Variants in PID1 observed in about 807,000 individuals in gnomAD.
PID1 encodes PTB-containing, cubilin and LRP1-interacting protein.
A neutral mutation model predicts 19.1 loss-of-function variants in PID1; 10 were observed. The observed-to-expected ratio is 0.52, with a 90% CI of 0.32 to 0.89. The LOEUF (loss-of-function observed/expected upper bound fraction) is 0.89, where lower values mean the gene tolerates loss of function less well. PID1 is among the 40% of genes least tolerant of loss of function. The pLI, the probability that PID1 is intolerant of heterozygous loss-of-function variation, is 0.03. For missense variants in PID1, 248 were observed against 285.3 expected (o/e 0.87, Z 0.94); for synonymous variants, 130 against 116.0 (o/e 1.12, Z -0.78).
At chr2:229,195,344 C>T (rs1376218547) in intron 1 of PID1, among the ~76,000 whole-genome samples, 2 of 151,758 alleles carry the variant, frequency 1.3e-5, no homozygotes, top group East Asian at 3.9e-4. Context: ...TATATATACA[C>T]ACACACACAT....
intron 1 of PID1, among the ~76,000 whole-genome samples, chr2:229,257,927 A>G (rs1349641636): frequency 2.0e-5 from 3 of 152,226 alleles, no homozygotes; most frequent in Non-Finnish European, 4.4e-5. Flanking sequence ...AACTAGAATC[A>G]AGACCCACTA....
rs111297963 is a variant in PID1 at position 229,262,376 on chromosome 2, T to G, written c.30+8638A>C. Among the ~76,000 whole-genome samples the G allele has an allele frequency of 3.6e-3, 551 of 152,284 alleles. 4 individuals carry two copies. Among genetic ancestry groups the G allele is most frequent in the African/African-American group, 0.012 (505 of 41,550 alleles). On this transcript the variant is annotated intron_variant, in intron 1 of 2. Transcript: ENST00000392055. ...GTTACACTCAAGGTTTGCTGCCTTT[T>G]CCTAGGATGTTGTCCACCAGAAGGA...
intron 2 of PID1, among the ~76,000 whole-genome samples, chr2:229,129,401 A>G (rs981335111): frequency 6.8e-6 from 1 of 147,606 alleles, no homozygotes; most frequent in Non-Finnish European, 1.5e-5. Context: ...GCAACAGAGC[A>G]AGACTCCATC....
intron 2 of PID1, among the ~76,000 whole-genome samples, chr2:229,093,616 T>C (rs1031473503): frequency 6.6e-6 from 1 of 152,146 alleles, no homozygotes; most frequent in Non-Finnish European, 1.5e-5. Flanking sequence ...CTGGGTTTCA[T>C]CCCATGGATT....
At chr2:229,218,835 C>T (rs1302613063) in intron 1 of PID1, among the ~76,000 whole-genome samples, 2 of 152,172 alleles carry the variant, frequency 1.3e-5, no homozygotes, top group African/African-American at 4.8e-5. Context: ...AGCCCACACT[C>T]TGCCCAATTT....
chr2:229,249,182 G>C (rs553611857), intron 1 of PID1, among the ~76,000 whole-genome samples: 3 of 152,182 alleles, frequency 2.0e-5, no homozygotes, highest in African/African-American at 7.2e-5. Context: ...AAATAACTTG[G>C]GTACAAGCTA....
intron 2 of PID1, among the ~76,000 whole-genome samples, chr2:229,121,705 A>G (rs891275531): frequency 2.6e-5 from 4 of 152,144 alleles, no homozygotes; most frequent in Admixed American, 2.0e-4. Context: ...GAGTATGTGT[A>G]TGGAGGGGGG....
chr2:229,157,362 G>A (rs567848149), intron 1 of PID1, among the ~76,000 whole-genome samples: 4 of 151,576 alleles, frequency 2.6e-5, no homozygotes, highest in South Asian at 4.2e-4. Flanking sequence ...CCTGGGAGGC[G>A]GAGGTTGCAG....
intron 1 of PID1, among the ~76,000 whole-genome samples, chr2:229,235,669 G>C (rs1293411737): frequency 6.6e-6 from 1 of 152,178 alleles, no homozygotes; most frequent in Non-Finnish European, 1.5e-5. Context: ...CGTTGTTCTT[G>C]AGCAAGGAAA....
chr2:229,163,262 T>C (rs971216807), intron 1 of PID1, among the ~76,000 whole-genome samples: 9 of 152,198 alleles, frequency 5.9e-5, no homozygotes, highest in Non-Finnish European at 1.2e-4. Flanking sequence ...TTTATGTCAA[T>C]CTGGCATTTC....
At chr2:229,137,848 C>A (rs1019528009) in intron 2 of PID1, among the ~76,000 whole-genome samples, 2 of 152,164 alleles carry the variant, frequency 1.3e-5, no homozygotes, top group Admixed American at 6.5e-5. Flanking sequence ...TGAAAGCAGA[C>A]TGAATGAACT....
intron 1 of PID1, among the ~76,000 whole-genome samples, chr2:229,231,297 A>T (rs1022149520): frequency 3.3e-5 from 5 of 152,076 alleles, no homozygotes; most frequent in African/African-American, 1.2e-4. Context: ...GTGAACTCAA[A>T]CCCAAGCTGT....
chr2:229,239,341 G>A (rs918460584), intron 1 of PID1, among the ~76,000 whole-genome samples: 4 of 152,192 alleles, frequency 2.6e-5, no homozygotes, highest in African/African-American at 9.6e-5. Context: ...GGTTGAGAGG[G>A]AAAAGAGACT....
At chr2:229,226,093 C>T (rs887006709) in intron 1 of PID1, among the ~76,000 whole-genome samples, 2 of 152,224 alleles carry the variant, frequency 1.3e-5, no homozygotes, top group East Asian at 3.9e-4. Flanking sequence ...AAATAGTCTC[C>T]TCTTAAAGTC....
chr2:229,073,301 A>C (rs1304541510), intron 2 of PID1, among the ~76,000 whole-genome samples: 1 of 152,230 alleles, frequency 6.6e-6, no homozygotes, highest in Non-Finnish European at 1.5e-5. Context: ...CTGGGATTAC[A>C]GGTGTGAGCC....
At chr2:229,181,396 G>A (rs1379277140) in intron 1 of PID1, among the ~76,000 whole-genome samples, 1 of 151,312 alleles carries the variant, frequency 6.6e-6, no homozygotes, top group Non-Finnish European at 1.5e-5. Flanking sequence ...AAAAAAAAAA[G>A]ATATAGCTCA....
chr2:229,207,343 G>A (rs982183581), intron 1 of PID1, among the ~76,000 whole-genome samples: 1 of 151,834 alleles, frequency 6.6e-6, no homozygotes, highest in African/African-American at 2.4e-5. Flanking sequence ...CTTAGCCTCA[G>A]TACCTTGATC....
chr2:229,030,112 G>A (rs1693515694), intron 2 of PID1, among the ~76,000 whole-genome samples: 1 of 152,108 alleles, frequency 6.6e-6, no homozygotes, highest in African/African-American at 2.4e-5. Context: ...ACTACAACAT[G>A]GATGAATTCT....
intron 1 of PID1, among the ~76,000 whole-genome samples, chr2:229,222,147 A>G (rs1240941262): frequency 6.6e-6 from 1 of 152,190 alleles, no homozygotes; most frequent in Non-Finnish European, 1.5e-5. Context: ...TTAGGATGGC[A>G]TCAAACAATT....
Sources: allele counts gnomAD v4.1 joint callset (sites outside exome capture counted in the v4.1 genomes callset), GRCh38; gene constraint gnomAD v4.1.1; transcripts MANE v1.5; gene names NCBI Gene and HGNC (gene_info 2026-07-23, HGNC 2026-07-21).